The following CNTNAP1 variants were observed in gnomAD, a reference collection of about 807,000 sequenced individuals.
CNTNAP1 encodes the protein contactin-associated protein 1.
Under a neutral mutation model 161.5 loss-of-function variants are expected in CNTNAP1, and 80 were observed. The ratio of observed to expected loss-of-function variants is 0.50; its 90% CI spans 0.41 to 0.60. The LOEUF is 0.60. Ranked by LOEUF, CNTNAP1 falls within the 20% of genes least tolerant of loss-of-function variation. CNTNAP1 has a pLI of 0.00. For missense variants in CNTNAP1, 1,464 were observed against 1,854.8 expected, an observed-to-expected ratio of 0.79 and a Z score of 3.87; for synonymous variants, 695 against 733.1, an observed-to-expected ratio of 0.95 and a Z score of 0.84.
Position 42,688,444 on chromosome 17 carries a change from T to C in CNTNAP1, c.1307-18T>C. 6.2e-7 allele frequency: 1 copy of C among 1,614,170 alleles called. No individual in the cohort carries two copies. Among genetic ancestry groups the C allele is most frequent in the Non-Finnish European group, 8.5e-7 (1 of 1,180,028 alleles). On this transcript the variant is annotated intron_variant, in intron 8 of 23. Transcript: ENST00000264638. ...TTGCTGCTTCCCTCCACCCACACCA[T>C]CATCCATTCTTGTCCAGGGTACCGA... is the stretch of plus-strand genomic sequence containing the variant.
chr17:42,684,470 A>T (rs1372368346), intron 3 of CNTNAP1, among the ~76,000 whole-genome samples: 1 of 152,170 alleles, frequency 6.6e-6, no homozygotes, highest in East Asian at 1.9e-4. Flanking sequence ...AGGAGGTGAC[A>T]TTTGATTTCA....
At position 42,685,532 on chromosome 17, in the gene CNTNAP1, A is replaced by G; in HGVS notation, c.715+112A>G. ...GCTCAGCCTGGTCTTCCACTTCTCTAAGGCCTGGACCAAACTGCCCCTTTC... is the reference window on the plus strand; with the variant it reads ...GCTCAGCCTGGTCTTCCACTTCTCTGAGGCCTGGACCAAACTGCCCCTTTC... On this transcript the variant is annotated intron_variant, in intron 5 of 23. Coordinates refer to ENST00000264638, the MANE Select transcript of CNTNAP1 (RefSeq NM_003632.3). The surrounding 1 kb of genome is among the most constrained non-coding windows in gnomAD (Gnocchi z 5.0). 1 of 1,054,016 alleles carries G rather than the reference A, an allele frequency of 9.5e-7. No homozygotes were observed. The highest frequency in any genetic ancestry group is 1.4e-6 in the Non-Finnish European group (1 of 731,666). 65.3% of individuals were successfully genotyped at this position (1,054,016 alleles called of 1,614,324 possible). A position where few individuals can be genotyped will look rare whatever the true frequency, so the allele number is the denominator to read the frequency against.
At position 42,699,220 on chromosome 17, in the gene CNTNAP1, T is replaced by G; in HGVS notation, c.*310T>G. The G allele has an allele frequency of 3.3e-6, 1 of 307,558 alleles. No individual in the cohort carries two copies. Among genetic ancestry groups the G allele is most frequent in the East Asian group, 5.8e-5 (1 of 17,098 alleles). 19.1% of individuals were successfully genotyped at this position (307,558 alleles called of 1,614,324 possible). A position where few individuals can be genotyped will look rare whatever the true frequency, so the allele number is the denominator to read the frequency against. On this transcript the variant is annotated 3_prime_UTR_variant, in exon 24 of 24. Coordinates refer to ENST00000264638, the MANE Select transcript of CNTNAP1 (RefSeq NM_003632.3). ...TTTCTGCCATCTCTGTTCCAGCTGCTGTCAGGGATTAACAACAGAGTGTAG... is the reference window on the plus strand; with the variant it reads ...TTTCTGCCATCTCTGTTCCAGCTGCGGTCAGGGATTAACAACAGAGTGTAG...
In CNTNAP1 at chr17:42,698,923, T is replaced by G; in HGVS notation, c.*13T>G. ...CAGGTCTGAATGAGTCAGAAGGGCT[T>G]CTGGGACCAATTCCAGCTCCTGACA... On this transcript the variant is annotated 3_prime_UTR_variant, in exon 24 of 24. Transcript: ENST00000264638. 2 of 1,485,878 alleles carry G rather than the reference T, an allele frequency of 1.3e-6. No individual in the cohort carries two copies. Among genetic ancestry groups the G allele is most frequent in the Non-Finnish European group, 1.8e-6 (2 of 1,123,724 alleles). The allele number at this position is 1,485,878 out of a possible 1,614,324, so 92.0% of individuals were successfully genotyped here. A position where few individuals can be genotyped will look rare whatever the true frequency, so the allele number is the denominator to read the frequency against.
At chr17:42,690,645 G>A in intron 12 of CNTNAP1, 94 bp from the exon 13 acceptor site, 1 of 1,289,648 alleles carries the variant, frequency 7.8e-7, no homozygotes, top group Non-Finnish European at 1.1e-6. Context: ...ACGTTCAGTG[G>A]CTCTGAGTTG....
rs796539279 is a variant in CNTNAP1 at position 42,686,483 on chromosome 17, T to G, written c.900+342T>G. Among the ~76,000 whole-genome samples the G allele has an allele frequency of 1.6e-3, 206 of 129,644 alleles. 2 individuals carry two copies. Among genetic ancestry groups the G allele is most frequent in the African/African-American group, 8.2e-3 (199 of 24,338 alleles). The allele number at this position is 129,644 out of a possible 152,430, so 85.1% of individuals were successfully genotyped here. On this transcript the variant is annotated intron_variant, in intron 6 of 23. Coordinates refer to ENST00000264638, the MANE Select transcript of CNTNAP1 (RefSeq NM_003632.3). ...GAAAAAGGCCTGTTTTTTTTTTTTTTTTTTTTTTTTGTGGGTGTTGTTGCT... is the reference window on the plus strand; with the variant it reads ...GAAAAAGGCCTGTTTTTTTTTTTTTGTTTTTTTTTTGTGGGTGTTGTTGCT...
chr17:42,685,522 C>T lies in CNTNAP1; in HGVS notation c.715+102C>T. 2 of 1,162,112 alleles carry T rather than the reference C, an allele frequency of 1.7e-6. No individual in the cohort carries two copies. The highest frequency in any genetic ancestry group is 2.4e-6 in the Non-Finnish European group (2 of 824,938). 72.0% of individuals were successfully genotyped at this position (1,162,112 alleles called of 1,614,324 possible). On this transcript the variant is annotated intron_variant, in intron 5 of 23. Coordinates refer to ENST00000264638, the MANE Select transcript of CNTNAP1 (RefSeq NM_003632.3). This position sits in a 1 kb window ranked among gnomAD's most constrained non-coding sequence, Gnocchi z 5.0. ...GCGCATCCGCGCTCAGCCTGGTCTT[C>T]CACTTCTCTAAGGCCTGGACCAAAC... is the stretch of plus-strand genomic sequence containing the variant.
At position 42,690,523 on chromosome 17, in the gene CNTNAP1, C is replaced by CAAA. The variant is rs374434783; in HGVS notation, c.1856-199_1856-197dup. 1.3e-4 allele frequency among the ~76,000 whole-genome samples: 14 copies of CAAA among 106,750 alleles called. 1 individual carries two copies. The highest frequency in any genetic ancestry group is 6.1e-4 in the South Asian group (2 of 3,270). 70.0% of individuals were successfully genotyped at this position (106,750 alleles called of 152,430 possible). A position where few individuals can be genotyped will look rare whatever the true frequency, so the allele number is the denominator to read the frequency against. On this transcript the variant is annotated intron_variant, in intron 12 of 23. Transcript: ENST00000264638. ...TGGGCAACAGAGCGAGACTTCATCT[C>CAAA]AAAAAAAAAAAAAAAAAAAGTATAT...
intron 6 of CNTNAP1, 99 bp from the exon 7 acceptor site, chr17:42,686,804 A>T: frequency 7.2e-7 from 1 of 1,386,294 alleles, no homozygotes; most frequent in Non-Finnish European, 9.8e-7. Flanking sequence ...TCTTTTACAA[A>T]ACCCCATCTG....
intron 21 of CNTNAP1, 61 bp from the exon 22 acceptor site, chr17:42,697,493 C>T: frequency 6.2e-7 from 1 of 1,609,916 alleles, no homozygotes; most frequent in Non-Finnish European, 8.5e-7. Context: ...AACCTGTGGA[C>T]AGTGAGAGTG....
rs376455963 is a variant in CNTNAP1 at position 42,691,302 on chromosome 17, G to C, written c.2216+9G>C. 6.3e-5 allele frequency: 101 copies of C among 1,613,996 alleles called. No individual in the cohort carries two copies. Among genetic ancestry groups the C allele is most frequent in the Non-Finnish European group, 8.3e-5 (98 of 1,180,000 alleles). ...GCTGACCAGCCCCAGTGGTGAGGGG[G>C]CAAAGGGACAGGGTTTTTAGGACTC... is the stretch of plus-strand genomic sequence containing the variant. On this transcript the variant is annotated intron_variant, in intron 14 of 23. Coordinates refer to ENST00000264638, the MANE Select transcript of CNTNAP1 (RefSeq NM_003632.3). This position sits in a 1 kb window ranked among gnomAD's most constrained non-coding sequence, Gnocchi z 4.3.
intron 6 of CNTNAP1, among the ~76,000 whole-genome samples, chr17:42,686,469 G>GTT (rs748366958): frequency 0.037 from 2,627 of 70,702 alleles, 29 homozygotes; most frequent in East Asian, 0.054. Context: ...AAAAAGGCCT[G>GTT]TTTTTTTTTT....
chr17:42,683,586 T>A, intron 1 of CNTNAP1: 1 of 1,390,342 alleles, frequency 7.2e-7, no homozygotes, highest in Non-Finnish European at 9.3e-7. Context: ...GGGTCTGGCC[T>A]TGGGCCTATA....
chr17:42,683,734 G>T, intron 1 of CNTNAP1, 87 bp from the exon 2 acceptor site: 1 of 1,501,684 alleles, frequency 6.7e-7, no homozygotes. Context: ...GGGCACGGAA[G>T]GGGAAGCTTC....
rs1597803304 is a variant in CNTNAP1, at chr17:42,684,252, A to T, written c.363+23A>T. On this transcript the variant is annotated intron_variant, in intron 3 of 23. Coordinates refer to ENST00000264638, the MANE Select transcript of CNTNAP1 (RefSeq NM_003632.3). Reference sequence around the variant, plus strand: ...TCGGTACTCTGGGCGCCAAGGCGGTAACACTTGGGGAGCTTCCTCTGCTCC... The same window carrying T: ...TCGGTACTCTGGGCGCCAAGGCGGTTACACTTGGGGAGCTTCCTCTGCTCC... 4 of 1,602,448 alleles carry T rather than the reference A, an allele frequency of 2.5e-6. No individual in the cohort carries two copies. In the East Asian group the frequency reaches 8.9e-5, roughly 36 times the overall value.
rs375359122 is a variant in CNTNAP1 at position 42,684,976 on chromosome 17, C to G, written c.364-15C>G. ...GAGGGCAGGACGTGGTTACTACTCT[C>G]CTCCACCCCCGCAGACCTTCTTTGG... On this transcript the variant is annotated splice_polypyrimidine_tract_variant and intron_variant, in intron 3 of 23. Transcript: ENST00000264638. The G allele has an allele frequency of 1.2e-5, 19 of 1,607,332 alleles. No homozygotes were observed. The highest frequency in any genetic ancestry group is 1.4e-5 in the Non-Finnish European group (17 of 1,178,570).
chr17:42,695,539 A>G lies in CNTNAP1; in HGVS notation c.3011A>G (p.Glu1004Gly). ...CCTGCAGATATTGGTGGTTTCTTTG[A>G]GCCGGGCACCTGGATGCGCTATAAC... ...YCNHDIGGFF[E>G]PGTWMRYNLQ... The change falls in exon 19 of 24, where the codon GAG (glutamate) becomes GGG (glycine). Residue 1004 changes from glutamate to glycine, a missense_variant. By Grantham distance (98) the Glu-to-Gly change is moderately conservative. This residue lies in a region of CNTNAP1 where 1,383 missense variants were observed against 1,765.0 expected (regional missense o/e 0.78). Coordinates refer to ENST00000264638, the MANE Select transcript of CNTNAP1 (RefSeq NM_003632.3). The G allele has an allele frequency of 1.2e-6, 2 of 1,603,848 alleles. No homozygotes were observed. Among genetic ancestry groups the G allele is most frequent in the Non-Finnish European group, 1.7e-6 (2 of 1,172,704 alleles).
chr17:42,684,104 C>G lies in CNTNAP1; in HGVS notation c.238C>G (p.His80Asp). The change falls in exon 3 of 24, where the codon CAC (histidine) becomes GAC (aspartate). Residue 80 changes from histidine to aspartate, a missense_variant. His to Asp is a moderately conservative substitution (Grantham distance 81). Coordinates refer to ENST00000264638, the MANE Select transcript of CNTNAP1 (RefSeq NM_003632.3). Reference protein sequence around the residue: ...PWLQIDLMKKHRIRAVATQGS... With the variant: ...PWLQIDLMKKDRIRAVATQGS... ...GCTCCAGATAGACTTAATGAAGAAGCACCGGATCCGGGCCGTGGCCACACA... is the reference window on the plus strand; with the variant it reads ...GCTCCAGATAGACTTAATGAAGAAGGACCGGATCCGGGCCGTGGCCACACA... The G allele has an allele frequency of 1.2e-6, 2 of 1,614,224 alleles. No homozygotes were observed. Among genetic ancestry groups the G allele is most frequent in the South Asian group, 1.1e-5 (1 of 91,090 alleles).
chr17:42,698,646 G>A lies in CNTNAP1; in HGVS notation c.3891G>A (p.Leu1297=). ...TGGTGGCCTTTCTGCTGCTGGGGCT[G>A]GTGGGAATGTTGGTGCTCTTCTATC... ...GFLVAFLLLG[L]VGMLVLFYLQ... The change falls in exon 24 of 24, where the codon CTG becomes CTA. Residue 1297 remains leucine, a synonymous_variant. Transcript: ENST00000264638. 6.2e-7 allele frequency: 1 copy of A among 1,601,232 alleles called. No individual in the cohort carries two copies. The highest frequency in any genetic ancestry group is 8.5e-7 in the Non-Finnish European group (1 of 1,170,486).
Sources: allele counts gnomAD v4.1 joint callset (sites outside exome capture counted in the v4.1 genomes callset), GRCh38; gene constraint gnomAD v4.1.1; regional missense constraint gnomAD v4.1.1; non-coding constraint Gnocchi (gnomAD v3.1); transcripts MANE v1.5; gene names NCBI Gene and HGNC (gene_info 2026-07-23, HGNC 2026-07-21).